Variants in ABCE1 observed in about 807,000 individuals in gnomAD.
ABCE1 encodes the protein ATP-binding cassette sub-family E member 1.
Under a neutral mutation model 83.4 loss-of-function variants are expected in ABCE1, and 22 were observed. That is an observed-to-expected ratio of 0.26 (90% CI 0.19 to 0.38). ABCE1 has a LOEUF of 0.38. Ranked by LOEUF, ABCE1 falls within the 10% of genes least tolerant of loss-of-function variation. ABCE1 has a pLI of 1.00. For missense variants in ABCE1, 330 were observed against 721.9 expected, an observed-to-expected ratio of 0.46 and a Z score of 6.22; for synonymous variants, 204 against 233.7, an observed-to-expected ratio of 0.87 and a Z score of 1.16.
intron 3 of ABCE1, among the ~76,000 whole-genome samples, chr4:145,105,903 C>G (rs1000240669): frequency 6.6e-6 from 1 of 151,872 alleles, no homozygotes; most frequent in African/African-American, 2.4e-5. Context: ...TCTTGCTGTA[C>G]TCAACTTTAT....
chr4:145,128,939 AT>A lies in ABCE1; in HGVS notation c.*1367del, dbSNP rs1197290606. ...CAAATATACAGAATGGAATAAAAAA[AT>A]GATCTCCCTTTATTACCCTCCCAAA... On this transcript the variant is annotated 3_prime_UTR_variant, in exon 18 of 18. Coordinates refer to ENST00000296577, the MANE Select transcript of ABCE1 (RefSeq NM_002940.3). The A allele has an allele frequency of 6.6e-6, 1 of 152,216 alleles. No homozygotes were observed. The highest frequency in any genetic ancestry group is 2.4e-5 in the African/African-American group (1 of 41,458). The allele number at this position is 152,216 out of a possible 1,614,324, so 9.4% of individuals were successfully genotyped here. A position where few individuals can be genotyped will look rare whatever the true frequency, so the allele number is the denominator to read the frequency against.
Position 145,111,899 on chromosome 4 carries a change from A to C in ABCE1, c.711-340A>C, listed in dbSNP as rs1749486351. ...AAATTCTTGAAATACCCTCCAAAAA[A>C]CTATGCTTAAATGCAGCTGACTTAA... On this transcript the variant is annotated intron_variant, in intron 8 of 17. Coordinates refer to ENST00000296577, the MANE Select transcript of ABCE1 (RefSeq NM_002940.3). Among the ~76,000 whole-genome samples, 6 of 152,158 alleles carry C rather than the reference A, an allele frequency of 3.9e-5. No individual in the cohort carries two copies. In the South Asian group the frequency reaches 1.0e-3, roughly 26 times the overall value.
Position 145,127,919 on chromosome 4 carries a change from A to T in ABCE1, c.*346A>T, listed in dbSNP as rs1363344800. The T allele has an allele frequency of 1.2e-5, 2 of 165,462 alleles. No homozygotes were observed. Among genetic ancestry groups the T allele is most frequent in the African/African-American group, 4.8e-5 (2 of 41,796 alleles). The allele number at this position is 165,462 out of a possible 1,614,324, so 10.2% of individuals were successfully genotyped here. On this transcript the variant is annotated 3_prime_UTR_variant, in exon 18 of 18. Coordinates refer to ENST00000296577, the MANE Select transcript of ABCE1 (RefSeq NM_002940.3). ...CTGACCAGTGTTGCTCCATTTTTTAAATCTTGAAAAGGGTTTCTGTACTTA... is the reference window on the plus strand; with the variant it reads ...CTGACCAGTGTTGCTCCATTTTTTATATCTTGAAAAGGGTTTCTGTACTTA...
chr4:145,114,784 G>A (rs757071289), intron 9 of ABCE1, among the ~76,000 whole-genome samples: 10 of 152,020 alleles, frequency 6.6e-5, no homozygotes, highest in African/African-American at 2.2e-4. Flanking sequence ...GCATGACAAC[G>A]TAGAGAAAAT....
chr4:145,101,062 T>C (rs1749139136), intron 1 of ABCE1, among the ~76,000 whole-genome samples: 2 of 150,662 alleles, frequency 1.3e-5, no homozygotes, highest in African/African-American at 2.5e-5. Context: ...ACACCAGATA[T>C]ATATAAAAAA....
chr4:145,101,225 T>C lies in ABCE1; in HGVS notation c.-28+2806T>C, dbSNP rs116215126. On this transcript the variant is annotated intron_variant, in intron 1 of 17. Coordinates refer to ENST00000296577, the MANE Select transcript of ABCE1 (RefSeq NM_002940.3). ...AAGGCTCACTGAGAAATAGTAAAGA[T>C]TGAAAGGAGTAAGCCATGTAACTCT... Among the ~76,000 whole-genome samples the C allele has an allele frequency of 2.4e-3, 361 of 152,146 alleles. 1 individual carries two copies. Among genetic ancestry groups the C allele is most frequent in the African/African-American group, 8.5e-3 (351 of 41,508 alleles).
chr4:145,099,584 GGA>G (rs1000092242), intron 1 of ABCE1, among the ~76,000 whole-genome samples: 9 of 152,222 alleles, frequency 5.9e-5, no homozygotes, highest in Middle Eastern at 3.4e-3. Flanking sequence ...CTAACAATTG[GGA>G]GAGAGGGGGA....
chr4:145,120,275 C>A (rs563733181), intron 11 of ABCE1, 122 bp downstream of exon 11: 1 of 812,590 alleles, frequency 1.2e-6, no homozygotes, highest in East Asian at 2.9e-5. Context: ...TTTATTTAAA[C>A]CCACAAATTT....
chr4:145,112,425 A>AT, intron 9 of ABCE1, 97 bp downstream of exon 9: 3 of 861,574 alleles, frequency 3.5e-6, no homozygotes, highest in Non-Finnish European at 5.4e-6. Context: ...TGATGTACAT[A>AT]TTTTTTATCT....
Position 145,112,341 on chromosome 4 carries a change from C to G in ABCE1, c.800+13C>G, listed in dbSNP as rs2037399476. 1.3e-6 allele frequency: 2 copies of G among 1,500,272 alleles called. No homozygotes were observed. Among genetic ancestry groups the G allele is most frequent in the Non-Finnish European group, 1.8e-6 (2 of 1,098,576 alleles). The allele number at this position is 1,500,272 out of a possible 1,614,324, so 92.9% of individuals were successfully genotyped here. On this transcript the variant is annotated intron_variant, in intron 9 of 17. Transcript: ENST00000296577. ...TAAATCCAGATAGGTAAGTAGAGAT[C>G]TGGCATATTACTGTGTTGTTTTGTT...
At chr4:145,126,390 G>A (rs1467854168) in intron 17 of ABCE1, among the ~76,000 whole-genome samples, 1 of 152,074 alleles carries the variant, frequency 6.6e-6, no homozygotes, top group Non-Finnish European at 1.5e-5. Context: ...TGCCTCCCGA[G>A]TTCAAGCAAT....
intron 17 of ABCE1, among the ~76,000 whole-genome samples, chr4:145,126,027 C>T (rs571394667): frequency 6.6e-5 from 10 of 152,020 alleles, no homozygotes; most frequent in South Asian, 2.1e-4. Flanking sequence ...GGCAACAGAG[C>T]GAGTCTCTGT....
At chr4:145,108,629 A>C (rs1162163871) in intron 4 of ABCE1, among the ~76,000 whole-genome samples, 1 of 152,168 alleles carries the variant, frequency 6.6e-6, no homozygotes, top group Non-Finnish European at 1.5e-5. Context: ...ATTTTTACTA[A>C]TAAAAAAGTA....
chr4:145,129,509 A>G lies in ABCE1; in HGVS notation c.*1936A>G, dbSNP rs945115642. 3.3e-5 allele frequency among the ~76,000 whole-genome samples: 5 copies of G among 152,202 alleles called. No homozygotes were observed. The highest frequency in any genetic ancestry group is 1.2e-4 in the African/African-American group (5 of 41,450). On this transcript the variant is annotated 3_prime_UTR_variant, in exon 18 of 18. Coordinates refer to ENST00000296577, the MANE Select transcript of ABCE1 (RefSeq NM_002940.3). ...ATATACAAAATATTGAAATAAAGGA[A>G]TACTCAAGAAACAGATTGCTTTTGA...
intron 5 of ABCE1, 25 bp from the exon 6 acceptor site, chr4:145,110,078 T>G: frequency 6.6e-7 from 1 of 1,524,764 alleles, no homozygotes; most frequent in Non-Finnish European, 8.8e-7. Context: ...ATTCACATGA[T>G]TCTGTATTTT....
chr4:145,110,130 A>G lies in ABCE1; in HGVS notation c.433A>G (p.Thr145Ala), dbSNP rs756576892. 4 of 1,575,438 alleles carry G rather than the reference A, an allele frequency of 2.5e-6. No individual in the cohort carries two copies. The South Asian group carries it at 4.8e-5, about 19-fold the overall frequency. Residue 145 changes from threonine to alanine, a missense_variant, in exon 6 of 18, where the codon ACT becomes GCT. Thr to Ala is a moderately conservative substitution (Grantham distance 58). Coordinates refer to ENST00000296577, the MANE Select transcript of ABCE1 (RefSeq NM_002940.3). ...TCCTCCTGACTGGCAGGAGATTTTG[A>G]CTTATTTCCGTGGATCTGAATTACA... ...DDPPDWQEIL[T>A]YFRGSELQNY...
chr4:145,121,613 C>T (rs182881394), intron 13 of ABCE1: 123 of 425,170 alleles, frequency 2.9e-4, no homozygotes, highest in Admixed American at 4.1e-4. Context: ...GTAGCTCACG[C>T]CTGTAATGCC....
intron 9 of ABCE1, among the ~76,000 whole-genome samples, chr4:145,113,109 G>C (rs116144136): frequency 6.6e-6 from 1 of 152,128 alleles, no homozygotes; most frequent in African/African-American, 2.4e-5. Flanking sequence ...AGGAGTAATA[G>C]GACCAGATGT....
intron 10 of ABCE1, among the ~76,000 whole-genome samples, chr4:145,119,466 A>T (rs1749684458): frequency 6.6e-6 from 1 of 151,954 alleles, no homozygotes; most frequent in Non-Finnish European, 1.5e-5. Context: ...AACCTGCAGG[A>T]TTAATTTTTT....
Sources: allele counts gnomAD v4.1 joint callset (sites outside exome capture counted in the v4.1 genomes callset), GRCh38; gene constraint gnomAD v4.1.1; transcripts MANE v1.5; gene names NCBI Gene and HGNC (gene_info 2026-07-23, HGNC 2026-07-21).